The following PSMB2 variants were observed in gnomAD, a reference collection of about 807,000 sequenced individuals.
The protein encoded by PSMB2 is proteasome subunit beta type-2.
A neutral mutation model predicts 25.7 loss-of-function variants in PSMB2; 13 were observed. The observed-to-expected ratio is 0.51, with a 90% CI of 0.33 to 0.80. The LOEUF (loss-of-function observed/expected upper bound fraction) is 0.80, where lower values mean the gene tolerates loss of function less well. Among genes scored for constraint, PSMB2 ranks in the 30% least tolerant of loss-of-function variants. The pLI is 0.02. For synonymous variants in PSMB2, 87 were observed against 96.2 expected (o/e 0.90, Z 0.56); for missense variants, 202 against 259.0 (o/e 0.78, Z 1.51).
chr1:35,611,838 G>GGAGA lies in PSMB2; in HGVS notation c.286-2434_286-2431dup, dbSNP rs144144116. ...CAAGACTCTATCTCCAAAAAAAAAAGGAGAGAGAGAGAGAGAGAGATGGGG... is the reference window on the plus strand; with the variant it reads ...CAAGACTCTATCTCCAAAAAAAAAAGGAGAGAGAGAGAGAGAGAGAGAGATGGGG... On this transcript the variant is annotated intron_variant, in intron 3 of 5. Coordinates refer to ENST00000373237, the MANE Select transcript of PSMB2 (RefSeq NM_002794.5). 6.5e-4 allele frequency among the ~76,000 whole-genome samples: 97 copies of GGAGA among 148,748 alleles called. No individual in the cohort carries two copies. The East Asian group carries it at 0.011, about 16-fold the overall frequency.
chr1:35,617,548 T>C (rs886171434), intron 3 of PSMB2, among the ~76,000 whole-genome samples: 3 of 152,212 alleles, frequency 2.0e-5, no homozygotes. Context: ...ACATTTGGAA[T>C]GTGAATAAGT....
chr1:35,640,597 G>C lies in PSMB2; in HGVS notation c.91+745C>G, dbSNP rs147620870. 5.2e-3 allele frequency among the ~76,000 whole-genome samples: 795 copies of C among 152,156 alleles called. 3 individuals carry two copies. The highest frequency in any genetic ancestry group is 0.018 in the African/African-American group (727 of 41,458). On this transcript the variant is annotated intron_variant, in intron 1 of 5. Transcript: ENST00000373237. Reference sequence around the variant, plus strand: ...CACTCTCCCCAGGATCCCACCTTATGCCGCCAACAAACTAACCTCATTACT... The same window carrying C: ...CACTCTCCCCAGGATCCCACCTTATCCCGCCAACAAACTAACCTCATTACT...
In PSMB2 at chr1:35,631,318, C is replaced by T; in HGVS notation, c.241G>A (p.Ala81Thr). The T allele has an allele frequency of 6.2e-7, 1 of 1,614,158 alleles. No individual in the cohort carries two copies. ...GCCAGGTTTCGGCGTGTGAAGTTAG[C>T]TGCTGCCGTGGGAGACAATTCATAT... ...NGYELSPTAA[A>T]NFTRRNLADC... The change falls in exon 3 of 6, where the codon GCT becomes ACT. Residue 81 changes from alanine (A) to threonine (T), a missense_variant. Coordinates refer to ENST00000373237, the MANE Select transcript of PSMB2 (RefSeq NM_002794.5).
At position 35,631,344 on chromosome 1, in the gene PSMB2, C is replaced by T. The variant is rs1347344504; in HGVS notation, c.215G>A (p.Gly72Glu). 1.2e-6 allele frequency: 2 copies of T among 1,614,036 alleles called. No homozygotes were observed. The highest frequency in any genetic ancestry group is 1.7e-5 in the Admixed American group (1 of 60,020). Reference protein sequence around the residue: ...KNVQLYKMRNGYELSPTAAAN... With the variant: ...KNVQLYKMRNEYELSPTAAAN... ...TGCTGCCGTGGGAGACAATTCATAT[C>T]CTGGTAGAAGAGATAAAGAGTCATA... is the stretch of plus-strand genomic sequence containing the variant. The change falls in exon 3 of 6, where the codon GGA becomes GAA. Residue 72 changes from glycine to glutamate, a missense_variant and splice_region_variant. Transcript: ENST00000373237.
intron 4 of PSMB2, among the ~76,000 whole-genome samples, chr1:35,607,364 A>G (rs1439996972): frequency 6.6e-6 from 1 of 152,222 alleles, no homozygotes; most frequent in Non-Finnish European, 1.5e-5. Flanking sequence ...AAAAATGGGC[A>G]TATCATCTCA....
At chr1:35,608,364 C>T (rs1301502730) in intron 4 of PSMB2, among the ~76,000 whole-genome samples, 1 of 120,026 alleles carries the variant, frequency 8.3e-6, no homozygotes, top group Non-Finnish European at 1.9e-5. Flanking sequence ...GACTCTGCCT[C>T]AAAAAAAAAA....
At chr1:35,628,593 AAAAATATATATATAT>A (rs1265061960) in intron 3 of PSMB2, among the ~76,000 whole-genome samples, 1,971 of 26,814 alleles carry the variant, frequency 0.074, 15 homozygotes, top group Non-Finnish European at 0.089. Flanking sequence ...AAAAAAAAAA[AAAAATATATATATAT>A]ATATATATAT....
chr1:35,637,893 GGGTATATT>G (rs1651289871), intron 1 of PSMB2, among the ~76,000 whole-genome samples: 1 of 152,186 alleles, frequency 6.6e-6, no homozygotes, highest in African/African-American at 2.4e-5. Flanking sequence ...AGGAGCAGAA[GGGTATATT>G]CTAAGTGCTT....
intron 2 of PSMB2, among the ~76,000 whole-genome samples, chr1:35,635,843 A>AG (rs1245326637): frequency 2.6e-5 from 4 of 151,504 alleles, no homozygotes; most frequent in African/African-American, 9.7e-5. Context: ...AAAAAAAAAA[A>AG]AAAAAAAAAG....
chr1:35,599,794 T>C lies in PSMB2; in HGVS notation c.*3473A>G. The C allele has an allele frequency of 6.1e-6, 6 of 984,820 alleles. No individual in the cohort carries two copies. The highest frequency in any genetic ancestry group is 7.2e-6 in the Non-Finnish European group (6 of 829,438). The allele number at this position is 984,820 out of a possible 1,614,324, so 61.0% of individuals were successfully genotyped here. On this transcript the variant is annotated 3_prime_UTR_variant, in exon 6 of 6. Coordinates refer to ENST00000373237, the MANE Select transcript of PSMB2 (RefSeq NM_002794.5). ...GTGAAGTTAGGAGGCTGTTAAATAGTCTAAGAAACGATAGGGGGTGAACCA... is the reference window on the plus strand; with the variant it reads ...GTGAAGTTAGGAGGCTGTTAAATAGCCTAAGAAACGATAGGGGGTGAACCA...
chr1:35,636,425 G>T lies in PSMB2; in HGVS notation c.99C>A (p.Asp33Glu). ...SNIVQMKDDH[D>E]KMFKMSEKIL... ...TCTTTTCACTCATCTTAAACATCTT[G>T]TCATGATCTGCTCAAAGAAGAAAAC... Residue 33 changes from aspartate (D) to glutamate (E), a missense_variant, in exon 2 of 6, where the codon GAC becomes GAA. Physicochemically the swap from Asp to Glu is conservative, Grantham distance 45. Coordinates refer to ENST00000373237, the MANE Select transcript of PSMB2 (RefSeq NM_002794.5). 2 of 1,613,516 alleles carry T rather than the reference G, an allele frequency of 1.2e-6. No individual in the cohort carries two copies. Among genetic ancestry groups the T allele is most frequent in the Non-Finnish European group, 1.7e-6 (2 of 1,179,762 alleles).
In PSMB2 at chr1:35,641,094, G is replaced by A. The variant is rs184316353; in HGVS notation, c.91+248C>T. 2.6e-5 allele frequency among the ~76,000 whole-genome samples: 4 copies of A among 152,266 alleles called. No individual in the cohort carries two copies. In the East Asian group the frequency reaches 7.7e-4, roughly 29 times the overall value. ...GTTCCCAGCTACTCGGGAGGCTGAGGCACGAGAATCGCTTGAACCCGGGAG... is the reference window on the plus strand; with the variant it reads ...GTTCCCAGCTACTCGGGAGGCTGAGACACGAGAATCGCTTGAACCCGGGAG... On this transcript the variant is annotated intron_variant, in intron 1 of 5. Coordinates refer to ENST00000373237, the MANE Select transcript of PSMB2 (RefSeq NM_002794.5).
chr1:35,599,771 G>T lies in PSMB2; in HGVS notation c.*3496C>A, dbSNP rs1036634469. 1 of 983,574 alleles carries T rather than the reference G, an allele frequency of 1.0e-6. No homozygotes were observed. Among genetic ancestry groups the T allele is most frequent in the Non-Finnish European group, 1.2e-6 (1 of 828,234 alleles). 60.9% of individuals were successfully genotyped at this position (983,574 alleles called of 1,614,324 possible). On this transcript the variant is annotated 3_prime_UTR_variant, in exon 6 of 6. Transcript: ENST00000373237. ...AGAGGGAAGAGATTAAAAGTAGAGTGAAGTTAGGAGGCTGTTAAATAGTCT... is the reference window on the plus strand; with the variant it reads ...AGAGGGAAGAGATTAAAAGTAGAGTTAAGTTAGGAGGCTGTTAAATAGTCT...
chr1:35,611,777 T>A (rs1650350315), intron 3 of PSMB2, among the ~76,000 whole-genome samples: 1 of 151,750 alleles, frequency 6.6e-6, no homozygotes, highest in African/African-American at 2.4e-5. Flanking sequence ...TGAGCCGAGA[T>A]AGTGCTACTG....
In PSMB2 at chr1:35,602,032, G is replaced by C. The variant is rs779173052; in HGVS notation, c.*1235C>G. On this transcript the variant is annotated 3_prime_UTR_variant, in exon 6 of 6. Coordinates refer to ENST00000373237, the MANE Select transcript of PSMB2 (RefSeq NM_002794.5). Reference sequence around the variant, plus strand: ...TGTTAAGTGAAATAAGCAATATGCAGAACTTAAAAATACTTTTTAGCCGGG... The same window carrying C: ...TGTTAAGTGAAATAAGCAATATGCACAACTTAAAAATACTTTTTAGCCGGG... 5 of 734,412 alleles carry C rather than the reference G, an allele frequency of 6.8e-6. No homozygotes were observed. The highest frequency in any genetic ancestry group is 1.9e-5 in the African/African-American group (1 of 52,082). 45.5% of individuals were successfully genotyped at this position (734,412 alleles called of 1,614,324 possible). A position where few individuals can be genotyped will look rare whatever the true frequency, so the allele number is the denominator to read the frequency against.
chr1:35,627,158 T>C (rs1276448505), intron 3 of PSMB2, among the ~76,000 whole-genome samples: 1 of 150,564 alleles, frequency 6.6e-6, no homozygotes, highest in Non-Finnish European at 1.5e-5. Context: ...TTCCAGCTAT[T>C]TGGGAGGCTG....
rs145549129 is a variant in PSMB2, at chr1:35,610,518, G to A, written c.286-1110C>T. Among the ~76,000 whole-genome samples, 285 of 152,078 alleles carry A rather than the reference G, an allele frequency of 1.9e-3. 4 individuals carry two copies. The highest frequency in any genetic ancestry group is 6.3e-3 in the African/African-American group (263 of 41,498). Reference sequence around the variant, plus strand: ...TGTTGTTTTTTTGTTTTTTTGAGACGGAGTCTGGCTCTTGTCCCCCAGGCT... The same window carrying A: ...TGTTGTTTTTTTGTTTTTTTGAGACAGAGTCTGGCTCTTGTCCCCCAGGCT... On this transcript the variant is annotated intron_variant, in intron 3 of 5. Transcript: ENST00000373237.
chr1:35,609,213 C>T (rs1409724624), intron 4 of PSMB2, 33 bp downstream of exon 4: 3 of 1,506,890 alleles, frequency 2.0e-6, no homozygotes, highest in Non-Finnish European at 1.8e-6. Flanking sequence ...CAGGGCTCTG[C>T]CACTGCTCCC....
At chr1:35,629,381 C>G (rs1349074641) in intron 3 of PSMB2, among the ~76,000 whole-genome samples, 1 of 152,206 alleles carries the variant, frequency 6.6e-6, no homozygotes, top group Non-Finnish European at 1.5e-5. Context: ...TTAATGCATT[C>G]AATCCTTAAC....
Sources: gnomAD v4.1 joint callset for allele counts (sites outside exome capture counted in the v4.1 genomes callset) on GRCh38, gnomAD v4.1.1 for gene constraint, MANE v1.5 for transcripts, NCBI Gene and HGNC (gene_info 2026-07-23, HGNC 2026-07-21) for gene names.